The following SYN3 variants were observed in gnomAD, a reference collection of about 807,000 sequenced individuals.
SYN3 encodes synapsin III.
A neutral mutation model predicts 65.8 loss-of-function variants in SYN3; 35 were observed. That is an observed-to-expected ratio of 0.53 (90% CI 0.41 to 0.70). The LOEUF is 0.70. Among genes scored for constraint, SYN3 ranks in the 30% least tolerant of loss-of-function variants. The pLI, the probability that SYN3 is intolerant of heterozygous loss-of-function variation, is 0.00. For missense variants in SYN3, 680 were observed against 749.0 expected, an observed-to-expected ratio of 0.91 and a Z score of 1.08; for synonymous variants, 270 against 292.9, an observed-to-expected ratio of 0.92 and a Z score of 0.80.
intron 6 of SYN3, among the ~76,000 whole-genome samples, chr22:32,814,339 G>GAAAGAAAGAA (rs369652077): frequency 1.1e-3 from 11 of 10,354 alleles, no homozygotes; most frequent in Non-Finnish European, 1.5e-3. Context: ...AAGAAAGAAA[G>GAAAGAAAGAA]AGAAAGAAAG....
chr22:32,538,073 C>T lies in SYN3; in HGVS notation c.955G>A (p.Gly319Ser). The T allele has an allele frequency of 2.5e-6, 4 of 1,614,226 alleles. No individual in the cohort carries two copies. The South Asian group carries it at 3.3e-5, about 13-fold the overall frequency. ...GCCACCTGCTCCAGCATGGCAGAGC[C>T]TGTGTTGGCCTTCCAGTTCCCAGAG... is the stretch of plus-strand genomic sequence containing the variant. The part of the protein sequence containing the change: ...SISGNWKANT[G>S]SAMLEQVAMT... Residue 319 changes from glycine to serine, a missense_variant, in exon 9 of 14, where the codon GGC becomes AGC. By Grantham distance (56) the Gly-to-Ser change is moderately conservative. Coordinates refer to ENST00000358763, the MANE Select transcript of SYN3 (RefSeq NM_003490.4).
chr22:32,627,982 C>T (rs1332143867), intron 6 of SYN3, among the ~76,000 whole-genome samples: 1 of 152,150 alleles, frequency 6.6e-6, no homozygotes, highest in African/African-American at 2.4e-5. Flanking sequence ...GCACATGCCA[C>T]CACGCCCAGC....
intron 6 of SYN3, among the ~76,000 whole-genome samples, chr22:32,717,876 C>T (rs895655856): frequency 1.3e-5 from 2 of 152,156 alleles, no homozygotes; most frequent in Non-Finnish European, 2.9e-5. Context: ...CTGGTATGGC[C>T]TCACCCCGTG....
At chr22:32,938,984 T>C (rs1053777980) in intron 3 of SYN3, among the ~76,000 whole-genome samples, 11 of 132,292 alleles carry the variant, frequency 8.3e-5, no homozygotes, top group Non-Finnish European at 9.9e-5. Flanking sequence ...CAAAGAAAAA[T>C]TGAATTTATT....
At chr22:32,695,436 G>A (rs927579558) in intron 6 of SYN3, among the ~76,000 whole-genome samples, 1 of 152,138 alleles carries the variant, frequency 6.6e-6, no homozygotes, top group African/African-American at 2.4e-5. Context: ...CTCAGGGATG[G>A]AGTCAAGCTG....
chr22:32,821,033 T>C (rs984801606), intron 6 of SYN3, among the ~76,000 whole-genome samples: 3 of 152,102 alleles, frequency 2.0e-5, no homozygotes, highest in African/African-American at 7.2e-5. Context: ...ATCTCATCCC[T>C]GCACTAGAGA....
chr22:32,593,581 A>G (rs968126011), intron 7 of SYN3, among the ~76,000 whole-genome samples: 2 of 152,134 alleles, frequency 1.3e-5, no homozygotes, highest in East Asian at 3.9e-4. Context: ...CCTGCTGCAG[A>G]GATGGAGGTC....
chr22:32,879,287 G>A (rs1283476102), intron 4 of SYN3, among the ~76,000 whole-genome samples: 1 of 152,204 alleles, frequency 6.6e-6, no homozygotes, highest in African/African-American at 2.4e-5. Context: ...TAACAAAAAT[G>A]TATTGAGCAC....
rs1395218007 is a variant in SYN3 at position 32,869,060 on chromosome 22, T to C, written c.527A>G (p.Asp176Gly). Residue 176 changes from aspartate to glycine, a missense_variant, in exon 5 of 14, where the codon GAC becomes GGC. Transcript: ENST00000358763. ...CAGGCCGATGACCAGGCTGCGGTAG[T>C]CTTCCCCCAGGGCCATGCTGTAGGC... ...QHAYSMALGEDYRSLVIGLQY... is the reference protein window; with the variant it reads ...QHAYSMALGEGYRSLVIGLQY... 1 of 1,613,960 alleles carries C rather than the reference T, an allele frequency of 6.2e-7. No homozygotes were observed. Among genetic ancestry groups the C allele is most frequent in the Non-Finnish European group, 8.5e-7 (1 of 1,179,974 alleles).
chr22:32,638,782 A>C (rs2059854928), intron 6 of SYN3, among the ~76,000 whole-genome samples: 1 of 152,040 alleles, frequency 6.6e-6, no homozygotes. Context: ...TACTCTGCTG[A>C]TTGTTTATTT....
intron 3 of SYN3, among the ~76,000 whole-genome samples, chr22:32,955,378 G>A (rs2051421920): frequency 6.6e-6 from 1 of 152,020 alleles, no homozygotes; most frequent in Non-Finnish European, 1.5e-5. Context: ...GGGGTGGGGG[G>A]CAAGCATTTC....
intron 6 of SYN3, among the ~76,000 whole-genome samples, chr22:32,784,191 A>G (rs1282078338): frequency 6.6e-6 from 1 of 152,218 alleles, no homozygotes; most frequent in Non-Finnish European, 1.5e-5. Context: ...TGGTATTCAC[A>G]GCCTTGCCTA....
At chr22:33,012,730 C>T (rs1302243457) in intron 1 of SYN3, among the ~76,000 whole-genome samples, 1 of 152,218 alleles carries the variant, frequency 6.6e-6, no homozygotes, top group African/African-American at 2.4e-5. Flanking sequence ...TAGATGTCCT[C>T]ATTTTCCAGC....
intron 2 of SYN3, among the ~76,000 whole-genome samples, chr22:32,990,403 TCCAG>T (rs747100410): frequency 4.2e-4 from 36 of 86,590 alleles, no homozygotes; most frequent in African/African-American, 5.9e-4. Flanking sequence ...CATCCATCCA[TCCAG>T]CCATCCATCC....
chr22:32,535,959 C>G (rs1601588123), intron 9 of SYN3, among the ~76,000 whole-genome samples: 1 of 152,220 alleles, frequency 6.6e-6, no homozygotes, highest in Non-Finnish European at 1.5e-5. Context: ...GACTGGGGAT[C>G]TCTCCAGCCC....
chr22:32,849,964 T>G (rs927850308), intron 6 of SYN3, among the ~76,000 whole-genome samples: 5 of 151,896 alleles, frequency 3.3e-5, no homozygotes, highest in African/African-American at 1.2e-4. Context: ...ACAGGTTTCA[T>G]GCAGCCACTG....
intron 6 of SYN3, among the ~76,000 whole-genome samples, chr22:32,686,638 C>G (rs113155816): frequency 0.016 from 1,580 of 99,012 alleles, 17 homozygotes; most frequent in Middle Eastern, 0.041. Context: ...TCTGCTGCAT[C>G]TGGGCTGGAG....
intron 6 of SYN3, among the ~76,000 whole-genome samples, chr22:32,609,417 T>C (rs1371878851): frequency 6.6e-6 from 1 of 151,930 alleles, no homozygotes; most frequent in Non-Finnish European, 1.5e-5. Flanking sequence ...AATGATTCTA[T>C]GTATTTATTT....
intron 6 of SYN3, among the ~76,000 whole-genome samples, chr22:32,863,633 C>T (rs927684099): frequency 3.3e-5 from 5 of 152,124 alleles, no homozygotes; most frequent in East Asian, 1.9e-4. Context: ...CCATTGACAA[C>T]GTTCTAGGTT....
Sources: gnomAD v4.1 joint callset for allele counts (sites outside exome capture counted in the v4.1 genomes callset) on GRCh38, gnomAD v4.1.1 for gene constraint, MANE v1.5 for transcripts, NCBI Gene and HGNC (gene_info 2026-07-23, HGNC 2026-07-21) for gene names.